PPP1R37: variants seen among roughly 807,000 people sequenced by gnomAD.
PPP1R37 encodes protein phosphatase 1 regulatory subunit 37, also known as leucine rich repeat containing 68.
A neutral mutation model predicts 61.0 loss-of-function variants in PPP1R37; 21 were observed. The ratio of observed to expected loss-of-function variants is 0.34; its 90% CI spans 0.24 to 0.50. The LOEUF (loss-of-function observed/expected upper bound fraction) is 0.50. Ranked by LOEUF, PPP1R37 falls within the 20% of genes least tolerant of loss-of-function variation. The pLI, the probability that PPP1R37 is intolerant of heterozygous loss-of-function variation, is 0.98. For missense variants in PPP1R37, 910 were observed against 952.7 expected (o/e 0.96, Z 0.59); for synonymous variants, 443 against 433.5 (o/e 1.02, Z -0.27).
rs889198208 is a variant in PPP1R37 at position 45,145,629 on chromosome 19, G to A, written c.1573G>A (p.Glu525Lys). 4.6e-6 allele frequency: 7 copies of A among 1,535,790 alleles called. No homozygotes were observed. The highest frequency in any genetic ancestry group is 1.4e-5 in the African/African-American group (1 of 72,980). Reference sequence around the variant, plus strand: ...GGAGGAAGAGGAAGGGGAGAGGGACGAGACCCCCTGTCCTGCCCTGGTGCC... The same window carrying A: ...GGAGGAAGAGGAAGGGGAGAGGGACAAGACCCCCTGTCCTGCCCTGGTGCC... ...EEEEEEGERD[E>K]TPCPALVPPT... The change falls in exon 11 of 13, where the codon GAG (glutamate) becomes AAG (lysine). Residue 525 changes from glutamate to lysine, a missense_variant. Around this residue, in one of 3 missense-constraint regions of PPP1R37, gnomAD observed 549 missense variants for 505.1 expected, o/e 1.09. Coordinates refer to ENST00000221462, the MANE Select transcript of PPP1R37 (RefSeq NM_019121.2).
chr19:45,117,744 C>T (rs534472808), intron 1 of PPP1R37, among the ~76,000 whole-genome samples: 81 of 152,304 alleles, frequency 5.3e-4, no homozygotes, highest in African/African-American at 1.7e-3. Context: ...TGGGGCTACC[C>T]GAGCAAAGGC....
chr19:45,141,957 G>T (rs1007740425), intron 5 of PPP1R37, 104 bp from the exon 6 acceptor site: 3 of 1,239,850 alleles, frequency 2.4e-6, no homozygotes, highest in Non-Finnish European at 3.2e-6. Flanking sequence ...TGAGACATGG[G>T]GGCACAGGTC....
At chr19:45,123,036 CTT>C (rs1440962303) in intron 1 of PPP1R37, among the ~76,000 whole-genome samples, 6 of 152,318 alleles carry the variant, frequency 3.9e-5, no homozygotes, top group African/African-American at 1.2e-4. Context: ...ATCTCTGAGA[CTT>C]TTCCAGATGC....
chr19:45,131,097 G>A (rs1299554515), intron 1 of PPP1R37, among the ~76,000 whole-genome samples: 11 of 151,280 alleles, frequency 7.3e-5, no homozygotes, highest in Non-Finnish European at 4.4e-5. Flanking sequence ...GTGTGCAAAT[G>A]CCAGACAGAC....
chr19:45,110,176 C>G (rs573249081), intron 1 of PPP1R37, among the ~76,000 whole-genome samples: 2 of 148,368 alleles, frequency 1.3e-5, no homozygotes, highest in South Asian at 4.3e-4. Flanking sequence ...AGTGCTGTGG[C>G]GTGGTCATGG....
chr19:45,144,856 G>C lies in PPP1R37; in HGVS notation c.990G>C (p.Pro330=), dbSNP rs1293793447. 1 of 1,527,774 alleles carries C rather than the reference G, an allele frequency of 6.5e-7. No individual in the cohort carries two copies. The highest frequency in any genetic ancestry group is 8.8e-7 in the Non-Finnish European group (1 of 1,142,348). The allele number at this position is 1,527,774 out of a possible 1,614,324, so 94.6% of individuals were successfully genotyped here. A position where few individuals can be genotyped will look rare whatever the true frequency, so the allele number is the denominator to read the frequency against. ...TGMAFLGMTL[P]HTQSLETLNL... ...ACCCTCACACCCCCTCCCTCCAGCCGCACACTCAGAGCCTGGAGACGCTGA... is the reference window on the plus strand; with the variant it reads ...ACCCTCACACCCCCTCCCTCCAGCCCCACACTCAGAGCCTGGAGACGCTGA... The change falls in exon 9 of 13, where the codon CCG becomes CCC. Residue 330 remains proline (P), a splice_region_variant and synonymous_variant. Transcript: ENST00000221462.
chr19:45,111,601 A>G (rs1968201852), intron 1 of PPP1R37, among the ~76,000 whole-genome samples: 1 of 152,196 alleles, frequency 6.6e-6, no homozygotes, highest in South Asian at 2.1e-4. Context: ...CATATGGAAT[A>G]TGTATGTAAT....
In PPP1R37 at chr19:45,142,370, G is replaced by A; in HGVS notation, c.786G>A (p.Leu262=). 6.5e-7 allele frequency: 1 copy of A among 1,536,130 alleles called. No individual in the cohort carries two copies. The highest frequency in any genetic ancestry group is 8.7e-7 in the Non-Finnish European group (1 of 1,146,918). The change falls in exon 7 of 13, where the codon CTG becomes CTA. Residue 262 remains leucine, a synonymous_variant. Transcript: ENST00000221462. ...LYLADNKLNG[L]QDSAQLGNLL... ...TGGCGGACAACAAGCTCAACGGCCTGCAGGACTCGGCCCAGCTGGGTAACC... is the reference window on the plus strand; with the variant it reads ...TGGCGGACAACAAGCTCAACGGCCTACAGGACTCGGCCCAGCTGGGTAACC...
At chr19:45,113,546 A>G (rs907816546) in intron 1 of PPP1R37, among the ~76,000 whole-genome samples, 1 of 152,222 alleles carries the variant, frequency 6.6e-6, no homozygotes, top group Admixed American at 6.5e-5. Context: ...CGATGGTAGC[A>G]GAGCCTGTCT....
intron 1 of PPP1R37, among the ~76,000 whole-genome samples, chr19:45,127,992 A>AAAAT (rs1568446812): frequency 5.9e-5 from 9 of 151,442 alleles, no homozygotes; most frequent in Non-Finnish European, 4.4e-5. Flanking sequence ...AAAAAAAAAA[A>AAAAT]AGATAAATGT....
chr19:45,105,123 G>A (rs1368832477), intron 1 of PPP1R37, among the ~76,000 whole-genome samples: 1 of 152,180 alleles, frequency 6.6e-6, no homozygotes, highest in Non-Finnish European at 1.5e-5. Context: ...AATATGGCAG[G>A]TGGAGAAGGA....
chr19:45,128,315 T>C (rs1266939713), intron 1 of PPP1R37, among the ~76,000 whole-genome samples: 2 of 152,238 alleles, frequency 1.3e-5, no homozygotes, highest in Admixed American at 6.5e-5. Flanking sequence ...TATTTGCACA[T>C]GTCCAGGCTC....
chr19:45,144,571 C>G (rs1243831861), intron 8 of PPP1R37: 2 of 457,418 alleles, frequency 4.4e-6, no homozygotes, highest in African/African-American at 4.1e-5. Context: ...CGCTCAAGGT[C>G]CAGGCCCTGG....
At chr19:45,137,831 T>C (rs982425551) in intron 1 of PPP1R37, among the ~76,000 whole-genome samples, 1 of 114,270 alleles carries the variant, frequency 8.8e-6, no homozygotes, top group African/African-American at 3.3e-5. Flanking sequence ...AATACAAAAA[T>C]ACAAAAAAAA....
intron 1 of PPP1R37, among the ~76,000 whole-genome samples, chr19:45,112,171 A>C (rs1968209699): frequency 7.0e-6 from 1 of 141,948 alleles, no homozygotes; most frequent in Non-Finnish European, 1.6e-5. Flanking sequence ...ACAGGGTTTC[A>C]CCATGTCTGT....
intron 5 of PPP1R37, 122 bp downstream of exon 5, chr19:45,141,563 A>T (rs1010517477): frequency 7.8e-7 from 1 of 1,288,340 alleles, no homozygotes; most frequent in African/African-American, 1.5e-5. Context: ...TGTTGTGGGG[A>T]TGCTGGGCCT....
Position 45,093,426 on chromosome 19 carries a change from C to T in PPP1R37, c.101C>T (p.Pro34Leu). The change falls in exon 1 of 13, where the codon CCC (proline) becomes CTC (leucine). Residue 34 changes from proline (P) to leucine (L), a missense_variant. Transcript: ENST00000221462. ...EAGSPSPASP[P>L]ADGRLKAAAK... ...GGGTCTCCCAGCCCCGCGTCGCCCCCCGCCGATGGGCGCCTCAAGGCTGCA... is the reference window on the plus strand; with the variant it reads ...GGGTCTCCCAGCCCCGCGTCGCCCCTCGCCGATGGGCGCCTCAAGGCTGCA... 1 of 1,534,994 alleles carries T rather than the reference C, an allele frequency of 6.5e-7. No homozygotes were observed. Among genetic ancestry groups the T allele is most frequent in the South Asian group, 1.2e-5 (1 of 83,980 alleles).
intron 1 of PPP1R37, among the ~76,000 whole-genome samples, chr19:45,135,388 T>C (rs780155230): frequency 1.1e-4 from 17 of 152,266 alleles, no homozygotes; most frequent in Non-Finnish European, 2.9e-5. Flanking sequence ...AGCTTGATCC[T>C]GGACCCTGGC....
chr19:45,138,646 G>A, intron 2 of PPP1R37, 35 bp downstream of exon 2: 3 of 1,451,996 alleles, frequency 2.1e-6, no homozygotes, highest in Non-Finnish European at 2.8e-6. Flanking sequence ...GTCCGGTGTG[G>A]GTGTCAAGGG....
Sources: allele counts gnomAD v4.1 joint callset (sites outside exome capture counted in the v4.1 genomes callset), GRCh38; gene constraint gnomAD v4.1.1; regional missense constraint gnomAD v4.1.1; transcripts MANE v1.5; gene names NCBI Gene and HGNC (gene_info 2026-07-23, HGNC 2026-07-21).